ABCG1: variants seen among roughly 807,000 people sequenced by gnomAD.
ABCG1 encodes the protein ATP binding cassette subfamily G member 1.
A neutral mutation model predicts 69.2 loss-of-function variants in ABCG1; 29 were observed. That is an observed-to-expected ratio of 0.42 (90% confidence interval 0.31 to 0.57). ABCG1 has a LOEUF of 0.57. ABCG1 is among the 20% of genes least tolerant of loss of function. The pLI is 0.15. For missense variants in ABCG1, 718 were observed against 898.1 expected, an observed-to-expected ratio of 0.80 and a Z score of 2.56; for synonymous variants, 370 against 374.8, an observed-to-expected ratio of 0.99 and a Z score of 0.15.
chr21:42,260,566 AC>A (rs962397782), intron 2 of ABCG1, among the ~76,000 whole-genome samples: 4 of 152,112 alleles, frequency 2.6e-5, no homozygotes, highest in Non-Finnish European at 1.5e-5. Flanking sequence ...CCTCCACCAA[AC>A]GCACACCAAC....
Position 42,240,904 on chromosome 21 carries a change from C to T in ABCG1, c.286+14990C>T, listed in dbSNP as rs117533189. ...GGGAGAGTAAACAGCGTGACCAGCA[C>T]GGGCCACGCTTGCTCACACCCACCA... On this transcript the variant is annotated intron_variant, in intron 2 of 14. Coordinates refer to ENST00000398449, the MANE Select transcript of ABCG1 (RefSeq NM_016818.3). Among the ~76,000 whole-genome samples, 699 of 152,370 alleles carry T rather than the reference C, an allele frequency of 4.6e-3. 3 individuals carry two copies. The highest frequency in any genetic ancestry group is 7.1e-3 in the Non-Finnish European group (482 of 68,036).
intron 2 of ABCG1, among the ~76,000 whole-genome samples, chr21:42,210,016 A>C (rs948329053): frequency 5.3e-5 from 8 of 152,170 alleles, no homozygotes; most frequent in Non-Finnish European, 8.8e-5. Context: ...TAGGGGCTCC[A>C]GCGATGAAAG....
Position 42,219,661 on chromosome 21 carries a change from G to A in ABCG1, c.42+357G>A, listed in dbSNP as rs1435707180. ...GACCCGGAGCGCACTGGGGACTGGG[G>A]AGGGGCCGCAGCTTGGGCCGGAGGG... is the stretch of plus-strand genomic sequence containing the variant. On this transcript the variant is annotated intron_variant, in intron 1 of 14. Coordinates refer to ENST00000398449, the MANE Select transcript of ABCG1 (RefSeq NM_016818.3). This position sits in a 1 kb window ranked among gnomAD's most constrained non-coding sequence, Gnocchi z 5.3. Among the ~76,000 whole-genome samples the A allele has an allele frequency of 6.6e-6, 1 of 152,150 alleles. No individual in the cohort carries two copies. Among genetic ancestry groups the A allele is most frequent in the Non-Finnish European group, 1.5e-5 (1 of 68,008 alleles).
Position 42,238,891 on chromosome 21 carries a change from C to T in ABCG1, c.286+12977C>T, listed in dbSNP as rs186045918. Reference sequence around the variant, plus strand: ...CACAGTCTCACACCTATTGGCAGGTCGTGAACATTGTTCTTGGATTTGCAA... The same window carrying T: ...CACAGTCTCACACCTATTGGCAGGTTGTGAACATTGTTCTTGGATTTGCAA... On this transcript the variant is annotated intron_variant, in intron 2 of 14. Transcript: ENST00000398449. Among the ~76,000 whole-genome samples the T allele has an allele frequency of 7.8e-4, 119 of 152,228 alleles. 1 individual carries two copies. Among genetic ancestry groups the T allele is most frequent in the Non-Finnish European group, 1.6e-3 (112 of 68,022 alleles).
intron 2 of ABCG1, among the ~76,000 whole-genome samples, chr21:42,250,585 C>A (rs774846875): frequency 2.0e-5 from 3 of 152,232 alleles, no homozygotes; most frequent in Non-Finnish European, 4.4e-5. Context: ...CATGAGCCTC[C>A]CTGCAGGCCT....
intron 4 of ABCG1, among the ~76,000 whole-genome samples, chr21:42,274,259 T>G (rs1404445672): frequency 6.6e-6 from 1 of 152,238 alleles, no homozygotes; most frequent in Non-Finnish European, 1.5e-5. Flanking sequence ...ACTTGGTCAC[T>G]GTTTCTTTTC....
intron 2 of ABCG1, among the ~76,000 whole-genome samples, chr21:42,235,157 G>A (rs4148114): frequency 0.32 from 48,148 of 152,166 alleles, 7,726 homozygotes; most frequent in Middle Eastern, 0.41. Context: ...GCTGGCAGTA[G>A]GAAGGGTCGC....
upstream of ABCG1, among the ~76,000 whole-genome samples, chr21:42,211,749 C>T (rs149242555): frequency 4.6e-3 from 694 of 151,676 alleles, 5 homozygotes; most frequent in African/African-American, 0.016. Flanking sequence ...ATTAGCTGGG[C>T]ACGGTGGCAT....
chr21:42,289,466 T>G (rs1050328039), intron 10 of ABCG1, among the ~76,000 whole-genome samples: 6 of 152,182 alleles, frequency 3.9e-5, no homozygotes, highest in African/African-American at 1.4e-4. Context: ...CCATTTCTCC[T>G]TCAGGAAAGC....
chr21:42,266,273 C>A (rs562809561), intron 2 of ABCG1, among the ~76,000 whole-genome samples: 2 of 151,776 alleles, frequency 1.3e-5, no homozygotes, highest in Non-Finnish European at 2.9e-5. Context: ...TGCACTCCAG[C>A]CTGGGTGACA....
chr21:42,251,700 C>T (rs996040428), intron 2 of ABCG1, among the ~76,000 whole-genome samples: 1 of 152,288 alleles, frequency 6.6e-6, no homozygotes, highest in African/African-American at 2.4e-5. Flanking sequence ...GGCCTTGAAC[C>T]CCAGGCCTAG....
rs747073883 is a variant in ABCG1 at position 42,287,902 on chromosome 21, A to C, written c.987A>C (p.Ala329=). 1 of 1,590,202 alleles carries C rather than the reference A, an allele frequency of 6.3e-7. No individual in the cohort carries two copies. The highest frequency in any genetic ancestry group is 2.3e-5 in the East Asian group (1 of 44,398). ...HNPADFVMEV[A]SGEYGDQNSR... is the part of the protein sequence containing the mutation. ...TGTCTCCTGCAGTCATGGAGGTTGC[A>C]TCCGGCGAGTACGGTGATCAGAACA... is the stretch of plus-strand genomic sequence containing the variant. Residue 329 remains alanine (A), a synonymous_variant, in exon 9 of 15, where the codon GCA becomes GCC. Transcript: ENST00000398449. This position sits in a 1 kb window ranked among gnomAD's most constrained non-coding sequence, Gnocchi z 6.2.
At chr21:42,286,494 T>C (rs1361108651) in intron 8 of ABCG1, among the ~76,000 whole-genome samples, 1 of 152,094 alleles carries the variant, frequency 6.6e-6, no homozygotes, top group African/African-American at 2.4e-5. Flanking sequence ...CCATGAGACA[T>C]TGTTCACGGA....
chr21:42,206,307 G>A (rs2067541838), intron 2 of ABCG1, among the ~76,000 whole-genome samples: 2 of 151,998 alleles, frequency 1.3e-5, no homozygotes, highest in African/African-American at 4.8e-5. Context: ...CTGAGATCAT[G>A]CCCCTGCATT....
chr21:42,253,478 A>G (rs1252740759), intron 2 of ABCG1, among the ~76,000 whole-genome samples: 1 of 152,136 alleles, frequency 6.6e-6, no homozygotes, highest in African/African-American at 2.4e-5. Context: ...GGGTCTTGGT[A>G]TGGAGAAATG....
chr21:42,267,637 G>GGTCTGGGTTCTGTCTGGGTCTC (rs2068534423), intron 2 of ABCG1, among the ~76,000 whole-genome samples: 2 of 124,400 alleles, frequency 1.6e-5, no homozygotes, highest in African/African-American at 6.5e-5. Context: ...GTCTGGGTGT[G>GGTCTGGGTTCTGTCTGGGTCTC]GTCTGGGTTC....
At chr21:42,289,910 G>A in intron 10 of ABCG1, 140 bp from the exon 11 acceptor site, 1 of 886,144 alleles carries the variant, frequency 1.1e-6, no homozygotes, top group Non-Finnish European at 1.7e-6. Flanking sequence ...TTGTTTCTCT[G>A]GAGGAGAAGA....
intron 2 of ABCG1, among the ~76,000 whole-genome samples, chr21:42,229,668 C>T (rs762565222): frequency 1.3e-5 from 2 of 151,880 alleles, no homozygotes; most frequent in Non-Finnish European, 2.9e-5. Flanking sequence ...TGCAGTGAGT[C>T]GGGATCGTAC....
intron 11 of ABCG1, among the ~76,000 whole-genome samples, chr21:42,290,567 C>T (rs998577140): frequency 6.6e-6 from 1 of 152,204 alleles, no homozygotes; most frequent in South Asian, 2.1e-4. Flanking sequence ...CAGCCCACTT[C>T]GGGAGCAGAT....
Sources: gnomAD v4.1 joint callset for allele counts (sites outside exome capture counted in the v4.1 genomes callset) on GRCh38, gnomAD v4.1.1 for gene constraint, Gnocchi (gnomAD v3.1) non-coding constraint, MANE v1.5 for transcripts, NCBI Gene and HGNC (gene_info 2026-07-23, HGNC 2026-07-21) for gene names.